LARP1B: variants seen among roughly 807,000 people sequenced by gnomAD.
LARP1B encodes the protein La ribonucleoprotein 1B, also known as la-related protein 1B.
A neutral mutation model predicts 114.2 loss-of-function variants in LARP1B; 76 were observed. The ratio of observed to expected loss-of-function variants is 0.67; its 90% CI spans 0.55 to 0.81. LARP1B has a LOEUF of 0.81. LARP1B is among the 30% of genes least tolerant of loss of function. The pLI, the probability that LARP1B is intolerant of heterozygous loss-of-function variation, is 0.00. For missense variants in LARP1B, 1,014 were observed against 1,075.8 expected, an observed-to-expected ratio of 0.94 and a Z score of 0.80; for synonymous variants, 345 against 348.0, an observed-to-expected ratio of 0.99 and a Z score of 0.10.
At chr4:128,083,802 G>A (rs1284192725) in intron 5 of LARP1B, among the ~76,000 whole-genome samples, 2 of 149,274 alleles carry the variant, frequency 1.3e-5, no homozygotes, top group East Asian at 2.1e-4. Context: ...GCGGGGGGCT[G>A]ACCCCCCCAC....
chr4:128,204,409 C>CT (rs1402264570), intron 17 of LARP1B, among the ~76,000 whole-genome samples: 3 of 151,966 alleles, frequency 2.0e-5, no homozygotes, highest in African/African-American at 4.8e-5. Context: ...AATCCCAGCA[C>CT]TTTGGGAGAC....
intron 1 of LARP1B, chr4:128,069,582 A>T: frequency 1.4e-6 from 1 of 724,538 alleles, no homozygotes; most frequent in Non-Finnish European, 2.5e-6. Context: ...CATTTTCTCC[A>T]TAGCTCCTGG....
At chr4:128,194,866 C>CA (rs879815845) in intron 15 of LARP1B, among the ~76,000 whole-genome samples, 358 of 136,982 alleles carry the variant, frequency 2.6e-3, no homozygotes, top group Middle Eastern at 3.8e-3. Flanking sequence ...GACTCCATCG[C>CA]AAAAAAAAAA....
intron 5 of LARP1B, 53 bp downstream of exon 5, chr4:128,082,358 C>T: frequency 2.6e-6 from 4 of 1,528,646 alleles, no homozygotes; most frequent in East Asian, 2.3e-5. Flanking sequence ...AGTCTTAATG[C>T]TCGTTATTTT....
downstream of LARP1B, among the ~76,000 whole-genome samples, chr4:128,212,912 CTTTTTTTT>C (rs1174891101): frequency 6.0e-5 from 5 of 83,738 alleles, no homozygotes; most frequent in South Asian, 5.4e-4. Context: ...AAATCTCTCT[CTTTTTTTT>C]TTTTTTTTTT....
At chr4:128,172,247 C>T (rs1744037514) in intron 12 of LARP1B, among the ~76,000 whole-genome samples, 1 of 151,810 alleles carries the variant, frequency 6.6e-6, no homozygotes, top group African/African-American at 2.4e-5. Flanking sequence ...TCCTCTGTCA[C>T]CTATTTTAAG....
At chr4:128,068,181 A>G (rs1392005040) in intron 1 of LARP1B, among the ~76,000 whole-genome samples, 1 of 151,884 alleles carries the variant, frequency 6.6e-6, no homozygotes, top group South Asian at 2.1e-4. Flanking sequence ...CGCCCGGCCA[A>G]TAATTTTTGT....
chr4:128,074,018 G>A (rs996481758), intron 1 of LARP1B, among the ~76,000 whole-genome samples: 3 of 151,696 alleles, frequency 2.0e-5, no homozygotes, highest in Admixed American at 6.6e-5. Flanking sequence ...TCAGCTTACC[G>A]CATCCTCTGC....
At chr4:128,179,841 T>G (rs1271382168) in intron 15 of LARP1B, among the ~76,000 whole-genome samples, 1 of 152,196 alleles carries the variant, frequency 6.6e-6, no homozygotes, top group East Asian at 1.9e-4. Context: ...AGATATTTAT[T>G]GAGGACATTA....
chr4:128,192,938 T>C (rs1004096571), intron 15 of LARP1B, among the ~76,000 whole-genome samples: 1 of 151,998 alleles, frequency 6.6e-6, no homozygotes, highest in Admixed American at 6.6e-5. Context: ...ACTTAAGCAG[T>C]CCTCCCACCT....
chr4:128,090,904 C>A, intron 5 of LARP1B, 97 bp from the exon 6 acceptor site: 1 of 885,320 alleles, frequency 1.1e-6, no homozygotes, highest in Non-Finnish European at 1.7e-6. Context: ...TCATTAGTTA[C>A]AAAGTGGAAG....
At chr4:128,138,397 G>A (rs1726395830) in intron 11 of LARP1B, among the ~76,000 whole-genome samples, 1 of 152,134 alleles carries the variant, frequency 6.6e-6, no homozygotes. Context: ...TCTAGATAGT[G>A]CTATGACAAT....
At chr4:128,164,045 AAT>A (rs1222916970) in intron 12 of LARP1B, among the ~76,000 whole-genome samples, 1 of 152,056 alleles carries the variant, frequency 6.6e-6, no homozygotes, top group African/African-American at 2.4e-5. Flanking sequence ...TTTCTGTCTA[AAT>A]TTAAGATTAT....
At chr4:128,083,321 G>C (rs1771413118) in intron 5 of LARP1B, among the ~76,000 whole-genome samples, 1 of 152,094 alleles carries the variant, frequency 6.6e-6, no homozygotes, top group Non-Finnish European at 1.5e-5. Flanking sequence ...CGTTCTCAAT[G>C]AGCTGTTGGG....
chr4:128,174,259 G>A (rs575204457), intron 12 of LARP1B, among the ~76,000 whole-genome samples: 1 of 152,092 alleles, frequency 6.6e-6, no homozygotes, highest in East Asian at 1.9e-4. Context: ...GCAGAAGGAA[G>A]TTATAATATC....
intron 9 of LARP1B, among the ~76,000 whole-genome samples, chr4:128,109,535 A>G (rs1319275355): frequency 6.6e-6 from 1 of 152,132 alleles, no homozygotes; most frequent in Admixed American, 6.6e-5. Flanking sequence ...TTACTTCTGA[A>G]ACATAGGTTT....
intron 11 of LARP1B, among the ~76,000 whole-genome samples, chr4:128,134,386 G>A (rs1334024809): frequency 6.6e-6 from 1 of 151,882 alleles, no homozygotes; most frequent in East Asian, 1.9e-4. Context: ...GGGAAAATTG[G>A]GTATCCACAT....
downstream of LARP1B, among the ~76,000 whole-genome samples, chr4:128,213,349 T>C (rs956835281): frequency 2.0e-5 from 3 of 152,236 alleles, no homozygotes; most frequent in Non-Finnish European, 2.9e-5. Flanking sequence ...ATATTGTTTG[T>C]AGATTGCTTG....
intron 11 of LARP1B, among the ~76,000 whole-genome samples, chr4:128,152,044 C>T (rs1356336165): frequency 1.3e-5 from 2 of 152,098 alleles, no homozygotes; most frequent in Non-Finnish European, 2.9e-5. Flanking sequence ...ATGATATCTA[C>T]CAGATTTGCT....
Sources: gnomAD v4.1 joint callset for allele counts (sites outside exome capture counted in the v4.1 genomes callset) on GRCh38, gnomAD v4.1.1 for gene constraint, MANE v1.5 for transcripts, NCBI Gene and HGNC (gene_info 2026-07-23, HGNC 2026-07-21) for gene names.